The following ENTPD7 variants were observed in gnomAD, a reference collection of about 807,000 sequenced individuals.
The protein encoded by ENTPD7 is ectonucleoside triphosphate diphosphohydrolase 7.
In ENTPD7, 53 loss-of-function variants were observed where a neutral mutation model predicts 77.9. The observed-to-expected ratio is 0.68, with a 90% CI of 0.55 to 0.85. The LOEUF (loss-of-function observed/expected upper bound fraction) is 0.85, where lower values mean the gene tolerates loss of function less well. Among genes scored for constraint, ENTPD7 ranks in the 40% least tolerant of loss-of-function variants. ENTPD7 has a pLI of 0.00. For synonymous variants in ENTPD7, 248 were observed against 274.9 expected (o/e 0.90, Z 0.97); for missense variants, 636 against 743.7 (o/e 0.86, Z 1.68).
intron 5 of ENTPD7, among the ~76,000 whole-genome samples, chr10:99,683,327 A>G (rs571050352): frequency 2.6e-5 from 4 of 152,304 alleles, no homozygotes; most frequent in African/African-American, 9.6e-5. Context: ...AACCATTTAG[A>G]CTATATTTTG....
intron 10 of ENTPD7, 98 bp from the exon 11 acceptor site, chr10:99,700,875 C>T (rs2036107713): frequency 1.0e-6 from 1 of 958,372 alleles, no homozygotes; most frequent in African/African-American, 1.6e-5. Context: ...AGCTGGTAGC[C>T]CACAAGTAAC....
In ENTPD7 at chr10:99,701,011, A is replaced by T. The variant is rs2036110767; in HGVS notation, c.1374A>T (p.Arg458Ser). 6.2e-7 allele frequency: 1 copy of T among 1,614,034 alleles called. No homozygotes were observed. The highest frequency in any genetic ancestry group is 8.5e-7 in the Non-Finnish European group (1 of 1,180,000). Residue 458 changes from arginine to serine, a missense_variant, in exon 11 of 13, where the codon AGA (arginine) becomes AGT (serine). Around this residue, in one of 3 missense-constraint regions of ENTPD7, gnomAD observed 12 missense variants for 36.3 expected, o/e 0.33. Coordinates refer to ENST00000370489, the MANE Select transcript of ENTPD7 (RefSeq NM_020354.5). The part of the protein sequence containing the change: ...CGMAWSVLTQ[R>S]FKNGLFSSHA... ...TGGCTTGGTCGGTACTAACTCAGAG[A>T]TTCAAGAATGGCCTCTTTTCATCAC...
chr10:99,674,581 T>G (rs548517517), intron 3 of ENTPD7, among the ~76,000 whole-genome samples: 5 of 152,338 alleles, frequency 3.3e-5, no homozygotes, highest in African/African-American at 9.6e-5. Context: ...CTTACTTACT[T>G]AGCGTAATAT....
In ENTPD7 at chr10:99,710,059, C is replaced by CA; in HGVS notation, c.*5377dup. ...ATGTATAGCCACACATGCATGACTT[C>CA]AGGCTAGCATAAAGACATGTCTGCT... On this transcript the variant is annotated 3_prime_UTR_variant, in exon 13 of 13. Transcript: ENST00000370489. 1.0e-6 allele frequency: 1 copy of CA among 985,418 alleles called. No homozygotes were observed. The highest frequency in any genetic ancestry group is 1.2e-6 in the Non-Finnish European group (1 of 829,928). The allele number at this position is 985,418 out of a possible 1,614,324, so 61.0% of individuals were successfully genotyped here. A position where few individuals can be genotyped will look rare whatever the true frequency, so the allele number is the denominator to read the frequency against.
At position 99,700,969 on chromosome 10, in the gene ENTPD7, C is replaced by G; in HGVS notation, c.1336-4C>G. ...GTTGCACTATTTCTCTGTGGTTGAT[C>G]CAGGATTACTGTGGCATGGCTTGGT... On this transcript the variant is annotated splice_polypyrimidine_tract_variant and splice_region_variant and intron_variant, in intron 10 of 12. Transcript: ENST00000370489. The G allele has an allele frequency of 1.9e-6, 3 of 1,612,528 alleles. No homozygotes were observed. The Admixed American group carries it at 5.0e-5, about 27-fold the overall frequency.
chr10:99,660,515 G>T (rs1420639667), intron 2 of ENTPD7: 2 of 414,614 alleles, frequency 4.8e-6, no homozygotes, highest in Admixed American at 5.8e-5. Flanking sequence ...TAAAACCGAG[G>T]GAATGGATAC....
In ENTPD7 at chr10:99,708,389, G is replaced by A. The variant is rs753520585; in HGVS notation, c.*3706G>A. On this transcript the variant is annotated 3_prime_UTR_variant, in exon 13 of 13. Transcript: ENST00000370489. The stretch of plus-strand genomic sequence containing the variant: ...TTTTTGTCAGGGATGAAAGACAAGT[G>A]AGTGGTATCACTTAAGGGAAAGAAC... 2.4e-4 allele frequency among the ~76,000 whole-genome samples: 36 copies of A among 152,196 alleles called. No homozygotes were observed. Among genetic ancestry groups the A allele is most frequent in the Non-Finnish European group, 4.9e-4 (33 of 68,028 alleles).
chr10:99,682,898 C>T (rs1169396208), intron 5 of ENTPD7, among the ~76,000 whole-genome samples: 2 of 152,142 alleles, frequency 1.3e-5, no homozygotes, highest in African/African-American at 4.8e-5. Flanking sequence ...GGCAGAGGAA[C>T]CCACTTGGTA....
intron 3 of ENTPD7, among the ~76,000 whole-genome samples, chr10:99,675,695 C>G (rs1302438060): frequency 6.7e-6 from 1 of 149,628 alleles, no homozygotes; most frequent in African/African-American, 2.5e-5. Flanking sequence ...CTCCCAGGTT[C>G]AAGTGATTCT....
At position 99,706,336 on chromosome 10, in the gene ENTPD7, C is replaced by CTT. The variant is rs112095426; in HGVS notation, c.*1663_*1664dup. The CTT allele has an allele frequency of 4.6e-4, 68 of 147,754 alleles. No homozygotes were observed. Among genetic ancestry groups the CTT allele is most frequent in the Middle Eastern group, 3.5e-3 (1 of 286 alleles). 9.2% of individuals were successfully genotyped at this position (147,754 alleles called of 1,614,324 possible). A position where few individuals can be genotyped will look rare whatever the true frequency, so the allele number is the denominator to read the frequency against. On this transcript the variant is annotated 3_prime_UTR_variant, in exon 13 of 13. Coordinates refer to ENST00000370489, the MANE Select transcript of ENTPD7 (RefSeq NM_020354.5). ...GATTAAGCATGCAAAGACTCTGTTC[C>CTT]TTTTTTTTTTTCTTGGAGACAGGGC...
In ENTPD7 at chr10:99,685,837, G is replaced by C. The variant is rs769675684; in HGVS notation, c.594G>C (p.Leu198=). ...CTGACCTAGTGAAAGATTTACCACT[G>C]GAGTTTGACTTCCTCTTTTCACAGT... ...ILADLVKDLP[L]EFDFLFSQSQ... The change falls in exon 6 of 13, where the codon CTG becomes CTC. Residue 198 remains leucine (L), a synonymous_variant. Transcript: ENST00000370489. 6.2e-7 allele frequency: 1 copy of C among 1,613,932 alleles called. No individual in the cohort carries two copies. Among genetic ancestry groups the C allele is most frequent in the South Asian group, 1.1e-5 (1 of 91,070 alleles).
intron 5 of ENTPD7, among the ~76,000 whole-genome samples, chr10:99,684,652 G>A (rs1371329816): frequency 2.0e-5 from 3 of 152,200 alleles, no homozygotes; most frequent in Admixed American, 1.3e-4. Flanking sequence ...AACTGTCTGA[G>A]CCAGCAGAAT....
In ENTPD7 at chr10:99,708,764, A is replaced by C. The variant is rs1309792891; in HGVS notation, c.*4081A>C. The C allele has an allele frequency of 4.3e-6, 4 of 921,126 alleles. No homozygotes were observed. The highest frequency in any genetic ancestry group is 1.3e-6 in the Non-Finnish European group (1 of 771,260). 57.1% of individuals were successfully genotyped at this position (921,126 alleles called of 1,614,324 possible). On this transcript the variant is annotated 3_prime_UTR_variant, in exon 13 of 13. Coordinates refer to ENST00000370489, the MANE Select transcript of ENTPD7 (RefSeq NM_020354.5). Reference sequence around the variant, plus strand: ...TCAACCCCCTTGATTTATATGGGTGATAAAACTGAGGCCTAGAGCAGTTGT... The same window carrying C: ...TCAACCCCCTTGATTTATATGGGTGCTAAAACTGAGGCCTAGAGCAGTTGT...
At chr10:99,667,815 ACT>A (rs1160618586) in intron 3 of ENTPD7, among the ~76,000 whole-genome samples, 1 of 152,064 alleles carries the variant, frequency 6.6e-6, no homozygotes, top group Non-Finnish European at 1.5e-5. Context: ...ATAAAGATAG[ACT>A]CAATAACTCA....
chr10:99,702,697 G>A, intron 12 of ENTPD7, 24 bp downstream of exon 12: 1 of 1,584,472 alleles, frequency 6.3e-7, no homozygotes, highest in Non-Finnish European at 8.6e-7. Context: ...GACCAATCTG[G>A]TATCTTGAGC....
chr10:99,676,451 C>A (rs2035683064), intron 3 of ENTPD7, among the ~76,000 whole-genome samples: 1 of 152,020 alleles, frequency 6.6e-6, no homozygotes, highest in Non-Finnish European at 1.5e-5. Context: ...GGGATGGGAT[C>A]CAGAATCTTG....
At chr10:99,690,743 T>C (rs1288468275) in intron 7 of ENTPD7, among the ~76,000 whole-genome samples, 1 of 151,812 alleles carries the variant, frequency 6.6e-6, no homozygotes, top group Non-Finnish European at 1.5e-5. Context: ...GGTTTCACCA[T>C]GTTGGTCAGG....
In ENTPD7 at chr10:99,711,110, C is replaced by A. The variant is rs1452594851; in HGVS notation, c.*6427C>A. On this transcript the variant is annotated 3_prime_UTR_variant, in exon 13 of 13. Coordinates refer to ENST00000370489, the MANE Select transcript of ENTPD7 (RefSeq NM_020354.5). ...GGGAATAACATAAATACAAAAAAAA[C>A]CCTAAGATAATCATTCACCAGAAGC... 14 of 809,614 alleles carry A rather than the reference C, an allele frequency of 1.7e-5. No homozygotes were observed. Among genetic ancestry groups the A allele is most frequent in the African/African-American group, 1.9e-5 (1 of 51,308 alleles). 50.2% of individuals were successfully genotyped at this position (809,614 alleles called of 1,614,324 possible). A position where few individuals can be genotyped will look rare whatever the true frequency, so the allele number is the denominator to read the frequency against.
Position 99,707,522 on chromosome 10 carries a change from T to G in ENTPD7, c.*2839T>G, listed in dbSNP as rs533966822. On this transcript the variant is annotated 3_prime_UTR_variant, in exon 13 of 13. Transcript: ENST00000370489. ...TTAAAGATTTCTCTTCTATTTGCAT[T>G]TCTGCACTTTGGTGGTTCTCCCATG... Among the ~76,000 whole-genome samples, 1 of 152,380 alleles carries G rather than the reference T, an allele frequency of 6.6e-6. No homozygotes were observed. Among genetic ancestry groups the G allele is most frequent in the Non-Finnish European group, 1.5e-5 (1 of 68,034 alleles).
Sources: allele counts gnomAD v4.1 joint callset (sites outside exome capture counted in the v4.1 genomes callset), GRCh38; gene constraint gnomAD v4.1.1; regional missense constraint gnomAD v4.1.1; transcripts MANE v1.5; gene names NCBI Gene and HGNC (gene_info 2026-07-23, HGNC 2026-07-21).